BICC1: variants seen among roughly 807,000 people sequenced by gnomAD.
BICC1 encodes the protein BicC family RNA binding protein 1.
In BICC1, 43 loss-of-function variants were observed where a neutral mutation model predicts 111.0. The ratio of observed to expected loss-of-function variants is 0.39; its 90% CI spans 0.30 to 0.50. BICC1 has a LOEUF of 0.50. Among genes scored for constraint, BICC1 ranks in the 20% least tolerant of loss-of-function variants. The pLI, the probability that BICC1 is intolerant of heterozygous loss-of-function variation, is 0.88. For synonymous variants in BICC1, 467 were observed against 434.4 expected, an observed-to-expected ratio of 1.07 and a Z score of -0.93; for missense variants, 1,091 against 1,203.2, an observed-to-expected ratio of 0.91 and a Z score of 1.38.
At chr10:58,720,096 C>G (rs1284601740) in intron 3 of BICC1, among the ~76,000 whole-genome samples, 1 of 152,140 alleles carries the variant, frequency 6.6e-6, no homozygotes, top group Non-Finnish European at 1.5e-5. Context: ...ATTAAATTTG[C>G]CAAGATAATC....
At position 58,763,453 on chromosome 10, in the gene BICC1, T is replaced by C. The variant is rs1242182984; in HGVS notation, c.308-21548T>C. ...AGAAGAAAATATTTTGAGGTACAAG[T>C]GGACTCAATAAATTTAGGAATTACT... On this transcript the variant is annotated intron_variant, in intron 3 of 20. Transcript: ENST00000373886. Among the ~76,000 whole-genome samples, 3 of 152,190 alleles carry C rather than the reference T, an allele frequency of 2.0e-5. No individual in the cohort carries two copies. The East Asian group carries it at 5.8e-4, about 29-fold the overall frequency.
intron 3 of BICC1, among the ~76,000 whole-genome samples, chr10:58,748,999 G>A (rs191293926): frequency 5.3e-5 from 8 of 152,190 alleles, no homozygotes; most frequent in Admixed American, 3.3e-4. Context: ...GTTTGGTTAA[G>A]TTGTCTACTT....
intron 1 of BICC1, among the ~76,000 whole-genome samples, chr10:58,518,813 C>G (rs1427196): frequency 6.6e-6 from 1 of 151,818 alleles, no homozygotes; most frequent in African/African-American, 2.4e-5. Context: ...CTTTGCTTCT[C>G]GTAGAGTTCC....
intron 1 of BICC1, among the ~76,000 whole-genome samples, chr10:58,608,938 A>G (rs575825483): frequency 4.1e-4 from 63 of 152,326 alleles, no homozygotes; most frequent in African/African-American, 1.4e-3. Context: ...CCCTCTGTCA[A>G]CTTCCAGTTT....
At chr10:58,718,276 G>A (rs1057139656) in intron 3 of BICC1, among the ~76,000 whole-genome samples, 4 of 152,152 alleles carry the variant, frequency 2.6e-5, no homozygotes, top group African/African-American at 9.7e-5. Context: ...CACCTTCTAT[G>A]TCTTCACATG....
intron 1 of BICC1, among the ~76,000 whole-genome samples, chr10:58,526,927 C>A (rs575986641): frequency 6.6e-6 from 1 of 152,238 alleles, no homozygotes; most frequent in Admixed American, 6.5e-5. Context: ...ATTTATAATC[C>A]TTTGGGTATA....
At chr10:58,518,307 G>A (rs1341325795) in intron 1 of BICC1, among the ~76,000 whole-genome samples, 1 of 152,010 alleles carries the variant, frequency 6.6e-6, no homozygotes, top group African/African-American at 2.4e-5. Flanking sequence ...GTTTTTTGAA[G>A]AAAATACTCT....
intron 2 of BICC1, among the ~76,000 whole-genome samples, chr10:58,693,744 G>C (rs990172368): frequency 6.6e-6 from 1 of 152,140 alleles, no homozygotes; most frequent in Non-Finnish European, 1.5e-5. Context: ...TGAGTTCACT[G>C]TAGATTCTAG....
At chr10:58,769,400 G>GTATAATATATATATATATA (rs1202556984) in intron 3 of BICC1, among the ~76,000 whole-genome samples, 1 of 106,564 alleles carries the variant, frequency 9.4e-6, no homozygotes, top group African/African-American at 3.0e-5. Flanking sequence ...GTGTGTGTGT[G>GTATAATATATATATATATA]TGTGTATATA....
At chr10:58,701,481 C>T (rs559266607) in intron 2 of BICC1, among the ~76,000 whole-genome samples, 7 of 152,182 alleles carry the variant, frequency 4.6e-5, no homozygotes, top group African/African-American at 1.7e-4. Context: ...GCTGCATGTG[C>T]AAGTGGGAAG....
intron 2 of BICC1, among the ~76,000 whole-genome samples, chr10:58,623,065 G>T (rs1845875083): frequency 6.6e-6 from 1 of 152,104 alleles, no homozygotes; most frequent in African/African-American, 2.4e-5. Context: ...TATCTACCTA[G>T]CTTCATAGTG....
chr10:58,659,136 C>G (rs528335268), intron 2 of BICC1, among the ~76,000 whole-genome samples: 9 of 152,266 alleles, frequency 5.9e-5, no homozygotes, highest in African/African-American at 2.2e-4. Flanking sequence ...CGCTTATACA[C>G]TGCTGGTGAG....
At chr10:58,667,185 A>T (rs2132309999) in intron 2 of BICC1, among the ~76,000 whole-genome samples, 1 of 152,262 alleles carries the variant, frequency 6.6e-6, no homozygotes, top group South Asian at 2.1e-4. Flanking sequence ...TAGGCTCCAG[A>T]AGAAACTACT....
intron 3 of BICC1, among the ~76,000 whole-genome samples, chr10:58,764,126 G>A (rs1019072850): frequency 6.6e-6 from 1 of 152,118 alleles, no homozygotes; most frequent in African/African-American, 2.4e-5. Context: ...TAATGAGTGA[G>A]GAAACTGAGT....
chr10:58,607,765 A>G (rs1349569514), intron 1 of BICC1, among the ~76,000 whole-genome samples: 1 of 152,202 alleles, frequency 6.6e-6, no homozygotes, highest in African/African-American at 2.4e-5. Flanking sequence ...CAGCAAGGGA[A>G]TGACCTCGTA....
At chr10:58,827,892 C>T (rs1465682302) in intron 20 of BICC1, among the ~76,000 whole-genome samples, 1 of 152,148 alleles carries the variant, frequency 6.6e-6, no homozygotes, top group Non-Finnish European at 1.5e-5. Flanking sequence ...AACCCCTTCT[C>T]CTCCTCCTTC....
intron 1 of BICC1, among the ~76,000 whole-genome samples, chr10:58,537,542 G>T (rs1019684993): frequency 2.0e-5 from 3 of 151,604 alleles, no homozygotes; most frequent in African/African-American, 7.3e-5. Context: ...TGAAAGGGGA[G>T]AACTTGAAAG....
intron 2 of BICC1, among the ~76,000 whole-genome samples, chr10:58,694,284 G>T (rs998497503): frequency 6.6e-6 from 1 of 152,150 alleles, no homozygotes; most frequent in Non-Finnish European, 1.5e-5. Flanking sequence ...GAGACAAGGA[G>T]TCATCATGAC....
intron 20 of BICC1, among the ~76,000 whole-genome samples, chr10:58,825,623 G>A (rs1313364849): frequency 6.6e-6 from 1 of 152,116 alleles, no homozygotes; most frequent in East Asian, 1.9e-4. Flanking sequence ...GTTATATACA[G>A]TACTGCTGTA....
Sources: allele counts gnomAD v4.1 joint callset (sites outside exome capture counted in the v4.1 genomes callset), GRCh38; gene constraint gnomAD v4.1.1; transcripts MANE v1.5; gene names NCBI Gene and HGNC (gene_info 2026-07-23, HGNC 2026-07-21).